The following CEMIP variants were observed in gnomAD, a reference collection of about 807,000 sequenced individuals.
The protein encoded by CEMIP is cell migration-inducing and hyaluronan-binding protein.
A neutral mutation model predicts 156.9 loss-of-function variants in CEMIP; 105 were observed. That is an observed-to-expected ratio of 0.67 (90% CI 0.57 to 0.79). The LOEUF is 0.79. Ranked by LOEUF, CEMIP falls within the 30% of genes least tolerant of loss-of-function variation. CEMIP has a pLI of 0.00. For synonymous variants in CEMIP, 676 were observed against 668.4 expected, an observed-to-expected ratio of 1.01 and a Z score of -0.17; for missense variants, 1,457 against 1,769.4, an observed-to-expected ratio of 0.82 and a Z score of 3.17.
intron 27 of CEMIP, 145 bp from the exon 28 acceptor site, chr15:80,942,800 A>G (rs1368964468): frequency 3.2e-6 from 3 of 939,312 alleles, no homozygotes; most frequent in Non-Finnish European, 3.5e-6. Flanking sequence ...GAGGGCTACG[A>G]GGAGTTAAGT....
chr15:80,802,318 A>T (rs1896398118), intron 1 of CEMIP, among the ~76,000 whole-genome samples: 1 of 152,258 alleles, frequency 6.6e-6, no homozygotes, highest in Non-Finnish European at 1.5e-5. Context: ...GCCTGGCTTA[A>T]GCCATCAACG....
At chr15:80,920,331 G>A in intron 15 of CEMIP, 32 bp downstream of exon 15, 1 of 1,591,506 alleles carries the variant, frequency 6.3e-7, no homozygotes. Context: ...TGTGTGCTGG[G>A]GGGAAGGGGT....
intron 6 of CEMIP, 26 bp from the exon 7 acceptor site, chr15:80,884,149 A>T: frequency 6.2e-7 from 1 of 1,613,190 alleles, no homozygotes; most frequent in Non-Finnish European, 8.5e-7. Context: ...AAGACTATTC[A>T]GATCTCTTCT....
intron 10 of CEMIP, 134 bp from the exon 11 acceptor site, chr15:80,894,856 C>A: frequency 9.3e-7 from 1 of 1,074,824 alleles, no homozygotes; most frequent in Non-Finnish European, 1.4e-6. Context: ...GGATAATCAT[C>A]TCGGGCCGTT....
At chr15:80,929,821 G>C (rs1458963131) in intron 21 of CEMIP, among the ~76,000 whole-genome samples, 4 of 152,216 alleles carry the variant, frequency 2.6e-5, no homozygotes. Context: ...AGGAGTCCTG[G>C]TTTCTGCGGC....
At chr15:80,791,471 C>T (rs1390369622) in intron 1 of CEMIP, among the ~76,000 whole-genome samples, 1 of 152,138 alleles carries the variant, frequency 6.6e-6, no homozygotes, top group Non-Finnish European at 1.5e-5. Context: ...GGTAATAGGG[C>T]CCAGAAGGTG....
intron 1 of CEMIP, among the ~76,000 whole-genome samples, chr15:80,787,633 A>G (rs1467339429): frequency 6.6e-6 from 1 of 152,146 alleles, no homozygotes; most frequent in Non-Finnish European, 1.5e-5. Flanking sequence ...CCTACTTCCT[A>G]GATTTTTCCT....
intron 1 of CEMIP, among the ~76,000 whole-genome samples, chr15:80,791,025 G>A (rs1596090190): frequency 1.3e-5 from 2 of 152,208 alleles, no homozygotes; most frequent in Admixed American, 1.3e-4. Flanking sequence ...ATTTGATTGG[G>A]CCTTAAAGAA....
At chr15:80,783,896 G>T (rs1004200036) in intron 1 of CEMIP, among the ~76,000 whole-genome samples, 5 of 152,156 alleles carry the variant, frequency 3.3e-5, no homozygotes. Context: ...AAACACACAT[G>T]GCCACCCAGA....
intron 1 of CEMIP, among the ~76,000 whole-genome samples, chr15:80,800,449 T>C (rs1231956340): frequency 6.6e-6 from 1 of 152,222 alleles, no homozygotes; most frequent in African/African-American, 2.4e-5. Flanking sequence ...TGAATGTGGC[T>C]GGCTTTTCCA....
At chr15:80,917,782 C>T (rs1900325196) in intron 14 of CEMIP, among the ~76,000 whole-genome samples, 1 of 152,116 alleles carries the variant, frequency 6.6e-6, no homozygotes. Flanking sequence ...CTTATGTGAC[C>T]TTTGGCAAAT....
At chr15:80,902,044 T>A (rs1453533240) in intron 12 of CEMIP, among the ~76,000 whole-genome samples, 2 of 152,194 alleles carry the variant, frequency 1.3e-5, no homozygotes, top group African/African-American at 4.8e-5. Context: ...AGGCCCCATC[T>A]CCCTCTCCAC....
At chr15:80,787,029 A>G (rs1226976035) in intron 1 of CEMIP, among the ~76,000 whole-genome samples, 1 of 152,210 alleles carries the variant, frequency 6.6e-6, no homozygotes, top group Non-Finnish European at 1.5e-5. Context: ...ACAGGAATGG[A>G]AGAGCTCTGC....
intron 9 of CEMIP, 83 bp from the exon 10 acceptor site, chr15:80,889,388 G>A: frequency 6.3e-6 from 10 of 1,592,496 alleles, no homozygotes; most frequent in South Asian, 1.1e-5. Flanking sequence ...CCATGGTGCT[G>A]AGGATGCTTG....
At chr15:80,834,419 C>T (rs1466859406) in intron 1 of CEMIP, among the ~76,000 whole-genome samples, 3 of 152,214 alleles carry the variant, frequency 2.0e-5, no homozygotes, top group African/African-American at 7.2e-5. Flanking sequence ...TTGTCTTTCA[C>T]ACTCAGAGCT....
At chr15:80,803,399 A>G (rs993975551) in intron 1 of CEMIP, among the ~76,000 whole-genome samples, 8 of 152,214 alleles carry the variant, frequency 5.3e-5, no homozygotes, top group Non-Finnish European at 1.2e-4. Flanking sequence ...ATTCAATTCA[A>G]TTTTGACCCA....
intron 25 of CEMIP, among the ~76,000 whole-genome samples, chr15:80,939,908 G>T (rs1483652055): frequency 6.6e-6 from 1 of 152,066 alleles, no homozygotes; most frequent in African/African-American, 2.4e-5. Flanking sequence ...ATAATTAGGG[G>T]TAAAATTAAA....
In CEMIP at chr15:80,937,797, C is replaced by A; in HGVS notation, c.3225C>A (p.Gly1075=). 1.9e-6 allele frequency: 3 copies of A among 1,614,100 alleles called. No homozygotes were observed. The highest frequency in any genetic ancestry group is 1.3e-5 in the African/African-American group (1 of 75,058). The part of the protein sequence containing the change: ...LAIWLINFNK[G]DWIRVGLCYP... ...CTGACTCTACTTCCAATCCTAGGGGCGACTGGATCCGAGTGGGGCTCTGCT... is the reference window on the plus strand; with the variant it reads ...CTGACTCTACTTCCAATCCTAGGGGAGACTGGATCCGAGTGGGGCTCTGCT... Residue 1075 remains glycine, a synonymous_variant, in exon 25 of 30, where the codon GGC becomes GGA. Transcript: ENST00000394685.
At chr15:80,874,039 A>G in intron 3 of CEMIP, 66 bp downstream of exon 3, 2 of 1,456,154 alleles carry the variant, frequency 1.4e-6, no homozygotes, top group Non-Finnish European at 1.9e-6. Context: ...CACTGGAGCA[A>G]GGCTGCTTTT....
Sources: allele counts gnomAD v4.1 joint callset (sites outside exome capture counted in the v4.1 genomes callset), GRCh38; gene constraint gnomAD v4.1.1; transcripts MANE v1.5; gene names NCBI Gene and HGNC (gene_info 2026-07-23, HGNC 2026-07-21).